The following PLXDC2 variants were observed in gnomAD, a reference collection of about 807,000 sequenced individuals.
PLXDC2 encodes the protein plexin domain containing 2, also known as plexin domain-containing protein 2.
Under a neutral mutation model 68.9 loss-of-function variants are expected in PLXDC2, and 40 were observed. The ratio of observed to expected loss-of-function variants is 0.58; its 90% CI spans 0.45 to 0.76. PLXDC2 has a LOEUF of 0.76. PLXDC2 is among the 30% of genes least tolerant of loss of function. The probability of loss-of-function intolerance (pLI) is 0.00; values close to 1 mark genes in which losing one functional copy is unlikely to be tolerated. For synonymous variants in PLXDC2, 243 were observed against 234.2 expected, an observed-to-expected ratio of 1.04 and a Z score of -0.34; for missense variants, 644 against 661.9, an observed-to-expected ratio of 0.97 and a Z score of 0.30.
intron 13 of PLXDC2, among the ~76,000 whole-genome samples, chr10:20,249,864 A>G (rs1835650577): frequency 6.6e-6 from 1 of 152,156 alleles, no homozygotes; most frequent in Non-Finnish European, 1.5e-5. Flanking sequence ...CAATTATATT[A>G]AAATGTAACC....
chr10:19,939,765 G>T (rs191086077), intron 1 of PLXDC2, among the ~76,000 whole-genome samples: 5 of 152,202 alleles, frequency 3.3e-5, no homozygotes, highest in Admixed American at 3.3e-4. Context: ...GGAACACAGT[G>T]GCTGAAAAAG....
chr10:20,253,370 G>GATAATAATAATAATAATA (rs3051539), intron 13 of PLXDC2, among the ~76,000 whole-genome samples: 2 of 145,572 alleles, frequency 1.4e-5, no homozygotes, highest in African/African-American at 2.5e-5. Flanking sequence ...GTCTCAAAAT[G>GATAATAATAATAATAATA]ATAATAATAA....
chr10:20,161,215 T>A (rs1488370862), intron 6 of PLXDC2, among the ~76,000 whole-genome samples: 1 of 152,130 alleles, frequency 6.6e-6, no homozygotes, highest in African/African-American at 2.4e-5. Flanking sequence ...GTTCTACTGA[T>A]ATGGGCTGGA....
intron 12 of PLXDC2, 24 bp downstream of exon 12, chr10:20,219,126 A>G (rs1459271547): frequency 3.1e-6 from 5 of 1,589,994 alleles, no homozygotes; most frequent in African/African-American, 2.7e-5. Context: ...CTTTTCTTTC[A>G]TAAACATCTT....
chr10:20,107,147 T>C (rs1833502728), intron 4 of PLXDC2, among the ~76,000 whole-genome samples: 1 of 151,110 alleles, frequency 6.6e-6, no homozygotes, highest in African/African-American at 2.4e-5. Context: ...GTATTCTACA[T>C]TATGTACTGC....
chr10:20,218,165 G>T (rs1216171317), intron 11 of PLXDC2, among the ~76,000 whole-genome samples: 1 of 152,122 alleles, frequency 6.6e-6, no homozygotes, highest in Non-Finnish European at 1.5e-5. Context: ...TCAGGAGGAA[G>T]AAAGTGTATT....
chr10:20,188,238 C>G (rs1303874638), intron 9 of PLXDC2, among the ~76,000 whole-genome samples: 1 of 151,658 alleles, frequency 6.6e-6, no homozygotes, highest in Non-Finnish European at 1.5e-5. Flanking sequence ...TATTCATTAA[C>G]AAACTTTTCA....
chr10:20,217,513 A>G lies in PLXDC2; in HGVS notation c.1210A>G (p.Arg404Gly), dbSNP rs1313812831. The G allele has an allele frequency of 3.7e-6, 6 of 1,609,780 alleles. No individual in the cohort carries two copies. In the South Asian group the frequency reaches 5.5e-5, roughly 15 times the overall value. Residue 404 changes from arginine (R) to glycine (G), a missense_variant, in exon 11 of 14, where the codon AGG becomes GGG. Physicochemically the swap from Arg to Gly is moderately radical, Grantham distance 125. This residue lies in a region of PLXDC2 where 330 missense variants were observed against 327.9 expected (regional missense o/e 1.01). Transcript: ENST00000377252. ...TTVGATTTQF[R>G]VLTTTRRAVT... ...CGTAGGAGCGACAACCACCCAGTTC[A>G]GGGTCCTAACTACCACCAGAAGAGC...
intron 2 of PLXDC2, among the ~76,000 whole-genome samples, chr10:20,020,028 T>A (rs796389043): frequency 2.2e-4 from 33 of 148,852 alleles, no homozygotes; most frequent in African/African-American, 8.1e-4. Flanking sequence ...TTTTTTTTAT[T>A]TTTTGTTTTT....
At chr10:20,124,697 G>T (rs1450548453) in intron 4 of PLXDC2, among the ~76,000 whole-genome samples, 2 of 150,894 alleles carry the variant, frequency 1.3e-5, no homozygotes, top group Non-Finnish European at 2.9e-5. Context: ...GAAAAAGGGG[G>T]TTGTTCTCTG....
chr10:19,931,952 A>AGTGTGTGTGTGTGTGTGTGTGTGT (rs33953625), intron 1 of PLXDC2, among the ~76,000 whole-genome samples: 2 of 149,744 alleles, frequency 1.3e-5, no homozygotes, highest in East Asian at 4.0e-4. Flanking sequence ...TAATTTGGGA[A>AGTGTGTGTGTGTGTGTGTGTGTGT]GTGTGTGTGT....
chr10:20,191,147 G>A lies in PLXDC2; in HGVS notation c.1061+13738G>A, dbSNP rs534794437. ...TGATCAAGTTAATATATATTATTAGGCAAAACAAAGGTAAAGATAATTTAG... is the reference window on the plus strand; with the variant it reads ...TGATCAAGTTAATATATATTATTAGACAAAACAAAGGTAAAGATAATTTAG... On this transcript the variant is annotated intron_variant, in intron 9 of 13. Transcript: ENST00000377252. Among the ~76,000 whole-genome samples, 8 of 152,004 alleles carry A rather than the reference G, an allele frequency of 5.3e-5. No homozygotes were observed. In the South Asian group the frequency reaches 1.5e-3, roughly 28 times the overall value.
At chr10:19,856,114 A>C (rs1230356215) in intron 1 of PLXDC2, among the ~76,000 whole-genome samples, 1 of 152,058 alleles carries the variant, frequency 6.6e-6, no homozygotes, top group Non-Finnish European at 1.5e-5. Flanking sequence ...AAAAACAAAA[A>C]CAAAAATAAA....
chr10:19,854,844 C>T (rs1214810404), intron 1 of PLXDC2, among the ~76,000 whole-genome samples: 2 of 152,218 alleles, frequency 1.3e-5, no homozygotes, highest in Non-Finnish European at 1.5e-5. Context: ...AGACACACAT[C>T]TGTGAGCCTG....
chr10:20,006,137 C>G (rs1835025107), intron 2 of PLXDC2, among the ~76,000 whole-genome samples: 1 of 151,856 alleles, frequency 6.6e-6, no homozygotes, highest in African/African-American at 2.4e-5. Flanking sequence ...TGAGATTCCA[C>G]CACTGTACTC....
intron 4 of PLXDC2, among the ~76,000 whole-genome samples, chr10:20,100,600 C>G (rs896763530): frequency 1.3e-5 from 2 of 152,114 alleles, no homozygotes; most frequent in South Asian, 2.1e-4. Context: ...TGCCCTTCTC[C>G]TCTCTCCCTG....
At chr10:19,843,243 AAAAGATAAATGC>A (rs1180192670) in intron 1 of PLXDC2, among the ~76,000 whole-genome samples, 1 of 150,776 alleles carries the variant, frequency 6.6e-6, no homozygotes, top group African/African-American at 2.4e-5. Flanking sequence ...GCTGCATTTT[AAAAGATAAATGC>A]AATGGAATAC....
At chr10:19,834,814 C>T (rs1259951668) in intron 1 of PLXDC2, among the ~76,000 whole-genome samples, 1 of 152,186 alleles carries the variant, frequency 6.6e-6, no homozygotes, top group African/African-American at 2.4e-5. Flanking sequence ...ATACAAAATA[C>T]AGCCTTTGCC....
chr10:20,222,129 ACAT>A (rs1835220756), intron 12 of PLXDC2, among the ~76,000 whole-genome samples: 1 of 151,886 alleles, frequency 6.6e-6, no homozygotes, highest in Non-Finnish European at 1.5e-5. Flanking sequence ...AAAAAGGGTA[ACAT>A]TTTTCAAAGT....
Sources: allele counts gnomAD v4.1 joint callset (sites outside exome capture counted in the v4.1 genomes callset), GRCh38; gene constraint gnomAD v4.1.1; regional missense constraint gnomAD v4.1.1; transcripts MANE v1.5; gene names NCBI Gene and HGNC (gene_info 2026-07-23, HGNC 2026-07-21).